Variants in A3GALT2 observed in about 807,000 individuals in gnomAD.
A3GALT2 encodes the protein alpha 1,3-galactosyltransferase 2.
A3GALT2 carries 14 observed loss-of-function variants against 16.6 expected under a neutral mutation model. The ratio of observed to expected loss-of-function variants is 0.84; its 90% CI spans 0.56 to 1.32. The LOEUF (loss-of-function observed/expected upper bound fraction) is 1.32, where lower values mean the gene tolerates loss of function less well. A3GALT2 is among the 40% of genes most tolerant of loss of function. The probability of loss-of-function intolerance (pLI) is 0.00; values close to 1 mark genes in which losing one functional copy is unlikely to be tolerated. For missense variants in A3GALT2, 600 were observed against 490.9 expected, an observed-to-expected ratio of 1.22 and a Z score of -2.10; for synonymous variants, 253 against 218.0, an observed-to-expected ratio of 1.16 and a Z score of -1.42.
Position 33,307,357 on chromosome 1 carries a change from C to T in A3GALT2, c.432G>A (p.Pro144=), listed in dbSNP as rs1295947757. The change falls in exon 5 of 5, where the codon CCG becomes CCA. Residue 144 remains proline, a synonymous_variant. Transcript: ENST00000442999. ...CCAGCGCCACGCGGGGCACCGCTCC[C>T]GGAAGCTCGGTGAACACGTAGTACA... ...SVMYYVFTEL[P]GAVPRVALGP... The T allele has an allele frequency of 2.6e-6, 4 of 1,550,718 alleles. No homozygotes were observed. Among genetic ancestry groups the T allele is most frequent in the African/African-American group, 1.4e-5 (1 of 70,176 alleles).
intron 4 of A3GALT2, among the ~76,000 whole-genome samples, chr1:33,307,673 C>T (rs1336818200): frequency 2.1e-5 from 1 of 47,806 alleles, no homozygotes; most frequent in Admixed American, 1.9e-4. Context: ...ACCACCCAAC[C>T]GTCATCCCCA....
intron 1 of A3GALT2, among the ~76,000 whole-genome samples, chr1:33,316,785 A>G (rs1050386795): frequency 6.6e-6 from 1 of 152,132 alleles, no homozygotes; most frequent in African/African-American, 2.4e-5. Flanking sequence ...CTCAGGAGAA[A>G]GTTCTGGGAT....
chr1:33,312,828 A>G lies in A3GALT2; in HGVS notation c.86T>C (p.Leu29Pro). 6.2e-7 allele frequency: 1 copy of G among 1,603,826 alleles called. No homozygotes were observed. Among genetic ancestry groups the G allele is most frequent in the Non-Finnish European group, 8.5e-7 (1 of 1,175,270 alleles). Residue 29 changes from leucine (L) to proline (P), a missense_variant, in exon 2 of 5, where the codon CTG (leucine) becomes CCG (proline). By Grantham distance (98) the Leu-to-Pro change is moderately conservative. Transcript: ENST00000442999. ...TTACCTGAATTTAGGGAGGCCATAC[A>G]GAAACAGGCCTAAGAGGCCAAGTGT... is the stretch of plus-strand genomic sequence containing the variant. ...LLTLGLLGLFLYGLPKFRHLE... is the reference protein window; with the variant it reads ...LLTLGLLGLFPYGLPKFRHLE...
chr1:33,312,381 A>C, intron 3 of A3GALT2, 120 bp downstream of exon 3: 1 of 1,300,310 alleles, frequency 7.7e-7, no homozygotes, highest in Non-Finnish European at 1.1e-6. Context: ...GGGCTGCTGG[A>C]CTTGGTGGCA....
Position 33,312,875 on chromosome 1 carries a change from G to T in A3GALT2, c.39C>A (p.Ile13=). 2 of 1,606,118 alleles carry T rather than the reference G, an allele frequency of 1.2e-6. No homozygotes were observed. The highest frequency in any genetic ancestry group is 1.1e-5 in the South Asian group (1 of 89,060). The change falls in exon 2 of 5, where the codon ATC becomes ATA. Residue 13 remains isoleucine (I), a synonymous_variant. Transcript: ENST00000442999. ...GTGTAAGTAGGATCTGCCGCCAGAA[G>T]ATTCTCTTCCAGGCCCTGGGGGCGG... The part of the protein sequence containing the change: ...LKEGLRAWKR[I]FWRQILLTLG...
intron 1 of A3GALT2, among the ~76,000 whole-genome samples, chr1:33,316,423 G>GA (rs1295919635): frequency 2.6e-5 from 4 of 151,854 alleles, no homozygotes; most frequent in Non-Finnish European, 4.4e-5. Flanking sequence ...ATTTTTATTT[G>GA]AAAAAACAAA....
At chr1:33,315,242 C>T (rs1175119300) in intron 1 of A3GALT2, among the ~76,000 whole-genome samples, 2 of 152,056 alleles carry the variant, frequency 1.3e-5, no homozygotes, top group Non-Finnish European at 2.9e-5. Context: ...ATTAGCTGGC[C>T]GTGGTGGCAC....
intron 4 of A3GALT2, among the ~76,000 whole-genome samples, chr1:33,310,454 C>A (rs1646228322): frequency 6.6e-6 from 1 of 152,184 alleles, no homozygotes; most frequent in African/African-American, 2.4e-5. Flanking sequence ...ACGAGGCTGC[C>A]TGGAATACTG....
chr1:33,308,750 G>GTTTT (rs56655319), intron 4 of A3GALT2, among the ~76,000 whole-genome samples: 23 of 46,040 alleles, frequency 5.0e-4, no homozygotes, highest in Non-Finnish European at 6.9e-4. Flanking sequence ...TGTCAAAGTT[G>GTTTT]TTTTTTTTTT....
intron 4 of A3GALT2, among the ~76,000 whole-genome samples, chr1:33,308,131 A>C (rs1171579720): frequency 7.4e-6 from 1 of 135,948 alleles, no homozygotes; most frequent in Admixed American, 7.7e-5. Context: ...GCATCTTTCA[A>C]CTTAGATGGG....
Position 33,320,935 on chromosome 1 carries a change from C to T in A3GALT2, c.23+141G>A. 1 of 1,084,564 alleles carries T rather than the reference C, an allele frequency of 9.2e-7. No homozygotes were observed. The highest frequency in any genetic ancestry group is 2.1e-5 in the Admixed American group (1 of 46,750). 67.2% of individuals were successfully genotyped at this position (1,084,564 alleles called of 1,614,324 possible). On this transcript the variant is annotated intron_variant, in intron 1 of 4. Transcript: ENST00000442999. The surrounding 1 kb of genome is among the most constrained non-coding windows in gnomAD (Gnocchi z 4.3). ...AATGTCCCCTCTCGGAGCCACCTTT[C>T]CCCAGGACTGGAGGCTCAGCTGGTA...
chr1:33,318,879 A>G (rs1369237194), intron 1 of A3GALT2, among the ~76,000 whole-genome samples: 1 of 152,118 alleles, frequency 6.6e-6, no homozygotes, highest in Non-Finnish European at 1.5e-5. Flanking sequence ...AATTCATGCT[A>G]TTGATAATTA....
At chr1:33,311,141 C>G (rs943384817) in intron 4 of A3GALT2, among the ~76,000 whole-genome samples, 3 of 152,104 alleles carry the variant, frequency 2.0e-5, no homozygotes, top group Non-Finnish European at 4.4e-5. Flanking sequence ...TTTAGTTGCC[C>G]GAAACTAGGT....
chr1:33,306,854 C>A lies in A3GALT2; in HGVS notation c.935G>T (p.Cys312Phe). The A allele has an allele frequency of 1.3e-6, 2 of 1,512,082 alleles. No individual in the cohort carries two copies. The highest frequency in any genetic ancestry group is 2.1e-5 in the Admixed American group (1 of 47,550). 93.7% of individuals were successfully genotyped at this position (1,512,082 alleles called of 1,614,324 possible). ...CCGCGGGCCGATGTCCGGGCTCCAG[C>A]AGAACTCGGGCGACAGCACCTTGGC... is the stretch of plus-strand genomic sequence containing the variant. ...KPAKVLSPEF[C>F]WSPDIGPRAE... Residue 312 changes from cysteine to phenylalanine, a missense_variant, in exon 5 of 5, where the codon TGC becomes TTC. Coordinates refer to ENST00000442999, the MANE Select transcript of A3GALT2 (RefSeq NM_001080438.1).
At chr1:33,311,954 C>T in intron 4 of A3GALT2, 98 bp downstream of exon 4, 1 of 1,517,542 alleles carries the variant, frequency 6.6e-7, no homozygotes, top group East Asian at 2.4e-5. Context: ...CTTTGGGATC[C>T]CATGGCACAG....
At chr1:33,311,773 G>A (rs1646233465) in intron 4 of A3GALT2, among the ~76,000 whole-genome samples, 1 of 152,208 alleles carries the variant, frequency 6.6e-6, no homozygotes, top group African/African-American at 2.4e-5. Context: ...GCCTCCAGAT[G>A]GATGAGTCCC....
chr1:33,311,000 G>A (rs1248250736), intron 4 of A3GALT2, among the ~76,000 whole-genome samples: 1 of 152,146 alleles, frequency 6.6e-6, no homozygotes, highest in African/African-American at 2.4e-5. Context: ...TAGGGTGTGG[G>A]GGACAGAGTT....
chr1:33,307,166 AAAGTGCCGCTG>A lies in A3GALT2; in HGVS notation c.612_622del (p.Ser205TrpfsTer45). 3 of 1,554,312 alleles carry A rather than the reference AAAGTGCCGCTG, an allele frequency of 1.9e-6. No individual in the cohort carries two copies. Among genetic ancestry groups the A allele is most frequent in the Non-Finnish European group, 2.6e-6 (3 of 1,153,532 alleles). ...CGACTCGGCCAGCGCCTCGGGCCCA[AAAGTGCCGCTG>A]AAGTGCTGGTCCACGTCCATGCAGA... On this transcript the variant is annotated frameshift_variant, in exon 5 of 5. Coordinates refer to ENST00000442999, the MANE Select transcript of A3GALT2 (RefSeq NM_001080438.1). LOFTEE classifies it low-confidence loss of function (END_TRUNC).
At position 33,321,093 on chromosome 1, in the gene A3GALT2, A is replaced by G; in HGVS notation, c.6T>C (p.Ala2=). 1 of 1,612,822 alleles carries G rather than the reference A, an allele frequency of 6.2e-7. No individual in the cohort carries two copies. Among genetic ancestry groups the G allele is most frequent in the East Asian group, 2.2e-5 (1 of 44,862 alleles). The change falls in exon 1 of 5, where the codon GCT becomes GCC. Residue 2 remains alanine (A), a synonymous_variant. Coordinates refer to ENST00000442999, the MANE Select transcript of A3GALT2 (RefSeq NM_001080438.1). ...CCCCTCACCTGAGTCCCTCCTTGAGAGCCATATGGGGAAGCAGGTAGGATG... is the reference window on the plus strand; with the variant it reads ...CCCCTCACCTGAGTCCCTCCTTGAGGGCCATATGGGGAAGCAGGTAGGATG... The part of the protein sequence containing the change: M[A]LKEGLRAWKR...
Sources: gnomAD v4.1 joint callset for allele counts (sites outside exome capture counted in the v4.1 genomes callset) on GRCh38, gnomAD v4.1.1 for gene constraint, Gnocchi (gnomAD v3.1) non-coding constraint, MANE v1.5 for transcripts, NCBI Gene and HGNC (gene_info 2026-07-23, HGNC 2026-07-21) for gene names.